C20orf203: variants seen among roughly 807,000 people sequenced by gnomAD.
C20orf203 encodes uncharacterized protein C20orf203.
Under a neutral mutation model 15.9 loss-of-function variants are expected in C20orf203, and 16 were observed. The observed-to-expected ratio is 1.01, with a 90% CI of 0.68 to 1.53. C20orf203 has a LOEUF of 1.53. Among genes scored for constraint, C20orf203 ranks in the 40% most tolerant of loss-of-function variants. The probability of loss-of-function intolerance (pLI) is 0.00; values close to 1 mark genes in which losing one functional copy is unlikely to be tolerated. For missense variants in C20orf203, 263 were observed against 247.5 expected, an observed-to-expected ratio of 1.06 and a Z score of -0.42; for synonymous variants, 98 against 97.2, an observed-to-expected ratio of 1.01 and a Z score of -0.05.
intron 1 of C20orf203, among the ~76,000 whole-genome samples, chr20:32,665,051 C>G (rs1474333896): frequency 6.6e-6 from 1 of 152,200 alleles, no homozygotes; most frequent in African/African-American, 2.4e-5. Context: ...GGTGTCTGGT[C>G]CCTGATCCAA....
Position 32,634,173 on chromosome 20 carries a change from C to T in C20orf203, c.*1397G>A, listed in dbSNP as rs892506399. ...AGAGATGCAGCTCTGATGGAGATGG[C>T]GCAGGCACGGGCTGCTGGGGCTTGA... On this transcript the variant is annotated 3_prime_UTR_variant, in exon 6 of 6. Transcript: ENST00000608990. 15 of 398,454 alleles carry T rather than the reference C, an allele frequency of 3.8e-5. No homozygotes were observed. The highest frequency in any genetic ancestry group is 1.3e-4 in the South Asian group (1 of 7,842). 24.7% of individuals were successfully genotyped at this position (398,454 alleles called of 1,614,324 possible).
At chr20:32,662,057 T>C (rs1982903010) in intron 1 of C20orf203, among the ~76,000 whole-genome samples, 1 of 152,118 alleles carries the variant, frequency 6.6e-6, no homozygotes, top group African/African-American at 2.4e-5. Flanking sequence ...TGCCCAGCAC[T>C]TTCCACCACC....
intron 1 of C20orf203, among the ~76,000 whole-genome samples, chr20:32,666,587 T>C (rs1983032209): frequency 6.7e-6 from 1 of 148,546 alleles, no homozygotes; most frequent in Non-Finnish European, 1.5e-5. Context: ...CATAGTGAAA[T>C]CCCATCTCTA....
chr20:32,651,326 G>A (rs1026750651), intron 2 of C20orf203, among the ~76,000 whole-genome samples, 160 bp from the exon 3 acceptor site: 1 of 150,896 alleles, frequency 6.6e-6, no homozygotes, highest in Non-Finnish European at 1.5e-5. Context: ...TCCAAAGTGG[G>A]CAACAGAGCG....
At chr20:32,642,758 G>T (rs564948725) in intron 4 of C20orf203, among the ~76,000 whole-genome samples, 1 of 152,294 alleles carries the variant, frequency 6.6e-6, no homozygotes, top group East Asian at 1.9e-4. Flanking sequence ...TCATCACCAA[G>T]GGCGCCTGCA....
intron 1 of C20orf203, among the ~76,000 whole-genome samples, chr20:32,670,677 T>C (rs1207353219): frequency 6.6e-6 from 1 of 151,252 alleles, no homozygotes; most frequent in East Asian, 2.0e-4. Context: ...ACTAAAAATA[T>C]GAAAATTAGC....
intron 4 of C20orf203, among the ~76,000 whole-genome samples, chr20:32,644,812 T>C (rs1013840901): frequency 6.6e-6 from 1 of 152,028 alleles, no homozygotes; most frequent in Admixed American, 6.6e-5. Flanking sequence ...CTGACATTTA[T>C]TGAGCACCAG....
At chr20:32,663,060 T>C (rs6119925) in intron 1 of C20orf203, among the ~76,000 whole-genome samples, 40,294 of 150,946 alleles carry the variant, frequency 0.27, 6,190 homozygotes, top group Middle Eastern at 0.36. Context: ...GTGATTCTCG[T>C]GCCTCAGCCT....
At chr20:32,667,919 T>C (rs1221791759) in intron 1 of C20orf203, among the ~76,000 whole-genome samples, 1 of 152,190 alleles carries the variant, frequency 6.6e-6, no homozygotes, top group Non-Finnish European at 1.5e-5. Context: ...TCTGCCTGCC[T>C]TGGCCTCCAA....
chr20:32,659,129 G>A (rs1316069039), intron 1 of C20orf203, among the ~76,000 whole-genome samples: 1 of 152,032 alleles, frequency 6.6e-6, no homozygotes, highest in Non-Finnish European at 1.5e-5. Context: ...CACCTGCCTT[G>A]GCCTCCTAAA....
chr20:32,640,299 T>C (rs1358664097), intron 5 of C20orf203, among the ~76,000 whole-genome samples: 1 of 152,204 alleles, frequency 6.6e-6, no homozygotes, highest in African/African-American at 2.4e-5. Context: ...TTTGTTGAGA[T>C]ATAATTCACA....
chr20:32,635,247 C>T (rs146754534), intron 5 of C20orf203, among the ~76,000 whole-genome samples: 104 of 152,216 alleles, frequency 6.8e-4, no homozygotes, highest in African/African-American at 2.4e-3. Context: ...TGCCTGTAAT[C>T]CCAACACTTT....
At position 32,673,883 on chromosome 20, in the gene C20orf203, G is replaced by C. The variant is rs889341189; in HGVS notation, c.-515C>G. On this transcript the variant is annotated 5_prime_UTR_variant, in exon 1 of 6. Coordinates refer to ENST00000608990, the MANE Select transcript of C20orf203 (RefSeq NM_182584.4). ...CGGGGGGCAGAGTGGGGGCAGCCAA[G>C]GGTTTTGGGGATCACACAGGCTTGG... is the stretch of plus-strand genomic sequence containing the variant. The C allele has an allele frequency of 2.0e-5, 3 of 152,628 alleles. No individual in the cohort carries two copies. Among genetic ancestry groups the C allele is most frequent in the Non-Finnish European group, 4.4e-5 (3 of 68,340 alleles). 9.5% of individuals were successfully genotyped at this position (152,628 alleles called of 1,614,324 possible).
intron 5 of C20orf203, among the ~76,000 whole-genome samples, chr20:32,638,257 T>C (rs1982191860): frequency 6.6e-6 from 1 of 152,228 alleles, no homozygotes; most frequent in African/African-American, 2.4e-5. Flanking sequence ...CAAGCACTGT[T>C]CTGTGTGCTT....
intron 1 of C20orf203, among the ~76,000 whole-genome samples, chr20:32,666,155 T>TAAAAA (rs147487671): frequency 7.8e-5 from 8 of 102,726 alleles, no homozygotes; most frequent in East Asian, 4.5e-4. Flanking sequence ...ATAAATAAAG[T>TAAAAA]AAAAAAAAAA....
Position 32,651,121 on chromosome 20 carries a change from G to T in C20orf203, c.32C>A (p.Ala11Asp). ...AGGCTGAGGCAGGAGAATCGCTTGAGCCCGGGAGTTCAAGACAGGCCTAGG... is the reference window on the plus strand; with the variant it reads ...AGGCTGAGGCAGGAGAATCGCTTGATCCCGGGAGTTCAAGACAGGCCTAGG... MFPRPVLNSR[A>D]QAILLPQPPN... The change falls in exon 3 of 6, where the codon GCT becomes GAT. Residue 11 changes from alanine to aspartate, a missense_variant. Transcript: ENST00000608990. 8.4e-7 allele frequency: 1 copy of T among 1,197,046 alleles called. No homozygotes were observed. Among genetic ancestry groups the T allele is most frequent in the Non-Finnish European group, 1.2e-6 (1 of 858,130 alleles). 74.2% of individuals were successfully genotyped at this position (1,197,046 alleles called of 1,614,324 possible). A position where few individuals can be genotyped will look rare whatever the true frequency, so the allele number is the denominator to read the frequency against.
In C20orf203 at chr20:32,651,347, C is replaced by CAA. The variant is rs35552612; in HGVS notation, c.-14-183_-14-182dup. On this transcript the variant is annotated intron_variant, in intron 2 of 5. Transcript: ENST00000608990. ...GTGGGCAACAGAGCGAAACCCTATT[C>CAA]AAAAAAAAAAAGGAAAAGAAACGAG... 5.3e-3 allele frequency among the ~76,000 whole-genome samples: 762 copies of CAA among 143,316 alleles called. 5 individuals carry two copies. Among genetic ancestry groups the CAA allele is most frequent in the South Asian group, 0.015 (68 of 4,494 alleles). The allele number at this position is 143,316 out of a possible 152,430, so 94.0% of individuals were successfully genotyped here.
chr20:32,669,550 C>G (rs2145683717), intron 1 of C20orf203, among the ~76,000 whole-genome samples: 1 of 152,322 alleles, frequency 6.6e-6, no homozygotes, highest in Middle Eastern at 3.4e-3. Flanking sequence ...AGTTGTTATT[C>G]TGCCAAGGAA....
At chr20:32,655,602 G>A (rs1982736147) in intron 1 of C20orf203, among the ~76,000 whole-genome samples, 1 of 152,100 alleles carries the variant, frequency 6.6e-6, no homozygotes, top group Admixed American at 6.6e-5. Flanking sequence ...AGACCAACCT[G>A]GCCAACATGG....
Sources: gnomAD v4.1 joint callset for allele counts (sites outside exome capture counted in the v4.1 genomes callset) on GRCh38, gnomAD v4.1.1 for gene constraint, MANE v1.5 for transcripts, NCBI Gene and HGNC (gene_info 2026-07-23, HGNC 2026-07-21) for gene names.